KCNK13: variants seen among roughly 807,000 people sequenced by gnomAD.
KCNK13 encodes the protein potassium two pore domain channel subfamily K member 13, also known as potassium channel subfamily K member 13.
KCNK13 carries 12 observed loss-of-function variants against 23.4 expected under a neutral mutation model. The observed-to-expected ratio is 0.51, with a 90% CI of 0.33 to 0.83. The LOEUF is 0.83. Among genes scored for constraint, KCNK13 ranks in the 40% least tolerant of loss-of-function variants. The pLI is 0.02. For missense variants in KCNK13, 463 were observed against 556.3 expected, an observed-to-expected ratio of 0.83 and a Z score of 1.69; for synonymous variants, 231 against 229.5, an observed-to-expected ratio of 1.01 and a Z score of -0.06.
At chr14:90,083,730 G>C (rs11622765) in intron 1 of KCNK13, among the ~76,000 whole-genome samples, 15,705 of 152,234 alleles carry the variant, frequency 0.1, 1,092 homozygotes, top group South Asian at 0.26. Context: ...GGACTTTGAA[G>C]CCTCAAAATT....
chr14:90,077,832 G>A (rs917999219), intron 1 of KCNK13, among the ~76,000 whole-genome samples: 28 of 152,016 alleles, frequency 1.8e-4, no homozygotes, highest in African/African-American at 6.5e-4. Flanking sequence ...TCGCTTGTGG[G>A]GTTGCTTCCC....
At chr14:90,182,483 T>C (rs910182867) in intron 1 of KCNK13, among the ~76,000 whole-genome samples, 3 of 152,258 alleles carry the variant, frequency 2.0e-5, no homozygotes, top group African/African-American at 7.2e-5. Flanking sequence ...AGAGCTCTTG[T>C]GATCCAAACG....
In KCNK13 at chr14:90,157,702, C is replaced by CTTTTTTTTTTTTTT. The variant is rs34114368; in HGVS notation, c.335-26405_335-26392dup. On this transcript the variant is annotated intron_variant, in intron 1 of 1. Transcript: ENST00000282146. ...GGCCACCATACCTGGCTTGGCTTTC[C>CTTTTTTTTTTTTTT]TTTTTTTTTTTTTTTTTCAGACAGA... 1.1e-4 allele frequency among the ~76,000 whole-genome samples: 11 copies of CTTTTTTTTTTTTTT among 100,348 alleles called. 1 individual carries two copies. In the East Asian group the frequency reaches 1.2e-3, roughly 11 times the overall value. 65.8% of individuals were successfully genotyped at this position (100,348 alleles called of 152,430 possible).
chr14:90,074,100 G>A (rs571272369), intron 1 of KCNK13, among the ~76,000 whole-genome samples: 1 of 152,192 alleles, frequency 6.6e-6, no homozygotes, highest in Non-Finnish European at 1.5e-5. Context: ...CTCCCGAGTA[G>A]CTGGGACTAC....
At chr14:90,069,428 A>G (rs1042719935) in intron 1 of KCNK13, among the ~76,000 whole-genome samples, 5 of 152,194 alleles carry the variant, frequency 3.3e-5, no homozygotes, top group Admixed American at 3.3e-4. Context: ...TGTACTCTAC[A>G]AGACCCCCAT....
intron 1 of KCNK13, among the ~76,000 whole-genome samples, chr14:90,066,999 G>A (rs1053582961): frequency 6.6e-6 from 1 of 152,206 alleles, no homozygotes; most frequent in Admixed American, 6.5e-5. Flanking sequence ...GGCCAAGCAC[G>A]GTGGCTCATG....
At chr14:90,107,212 G>C (rs544184256) in intron 1 of KCNK13, among the ~76,000 whole-genome samples, 33 of 152,194 alleles carry the variant, frequency 2.2e-4, no homozygotes, top group Middle Eastern at 3.4e-3. Flanking sequence ...GGGCATGGTG[G>C]CTCATGCCTG....
intron 1 of KCNK13, among the ~76,000 whole-genome samples, chr14:90,151,034 T>C (rs1890129103): frequency 6.6e-6 from 1 of 152,160 alleles, no homozygotes; most frequent in Non-Finnish European, 1.5e-5. Flanking sequence ...GTTCACACTT[T>C]ATGATGTGCC....
At chr14:90,144,834 G>A (rs934169113) in intron 1 of KCNK13, among the ~76,000 whole-genome samples, 1 of 151,994 alleles carries the variant, frequency 6.6e-6, no homozygotes, top group Admixed American at 6.6e-5. Context: ...GCAGAATGTC[G>A]AATAGAAATG....
intron 1 of KCNK13, among the ~76,000 whole-genome samples, chr14:90,076,942 C>T (rs1889142880): frequency 6.6e-6 from 1 of 152,054 alleles, no homozygotes; most frequent in South Asian, 2.1e-4. Context: ...GCCTCAGCCT[C>T]CCGAGTAGCT....
chr14:90,180,219 A>G (rs529038956), intron 1 of KCNK13, among the ~76,000 whole-genome samples: 22 of 152,244 alleles, frequency 1.4e-4, no homozygotes, highest in African/African-American at 5.3e-4. Flanking sequence ...AATAATACCC[A>G]GCTCCCCAGT....
chr14:90,175,006 C>T (rs999868310), intron 1 of KCNK13, among the ~76,000 whole-genome samples: 1 of 152,136 alleles, frequency 6.6e-6, no homozygotes, highest in African/African-American at 2.4e-5. Context: ...GAGTTCAGTC[C>T]TCAGCTCCCC....
chr14:90,062,304 C>A lies in KCNK13; in HGVS notation c.99C>A (p.Gly33=), dbSNP rs1444164658. 3.7e-5 allele frequency: 58 copies of A among 1,552,950 alleles called. No homozygotes were observed. The highest frequency in any genetic ancestry group is 4.9e-5 in the Non-Finnish European group (57 of 1,156,870). The change falls in exon 1 of 2, where the codon GGC becomes GGA. Residue 33 remains glycine, a synonymous_variant. Transcript: ENST00000282146. The surrounding 1 kb of genome is among the most constrained non-coding windows in gnomAD (Gnocchi z 4.5). Reference sequence around the variant, plus strand: ...CGCTCATCGTGCTCTACCTGCTGGGCGGCGCCGCCGTCTTCTCCGCGCTGG... The same window carrying A: ...CGCTCATCGTGCTCTACCTGCTGGGAGGCGCCGCCGTCTTCTCCGCGCTGG... ...LAALIVLYLL[G]GAAVFSALEL...
At chr14:90,128,152 C>T (rs560140803) in intron 1 of KCNK13, among the ~76,000 whole-genome samples, 6 of 152,116 alleles carry the variant, frequency 3.9e-5, no homozygotes, top group Non-Finnish European at 7.3e-5. Context: ...TTGTGTATCT[C>T]GTCTTTAACA....
At chr14:90,092,959 G>A (rs182631880) in intron 1 of KCNK13, among the ~76,000 whole-genome samples, 23 of 146,732 alleles carry the variant, frequency 1.6e-4, no homozygotes, top group Admixed American at 7.5e-4. Context: ...AGAAACAGGC[G>A]AGGGAGACTA....
intron 1 of KCNK13, among the ~76,000 whole-genome samples, chr14:90,112,182 G>T (rs1260905032): frequency 6.6e-6 from 1 of 152,168 alleles, no homozygotes; most frequent in Non-Finnish European, 1.5e-5. Flanking sequence ...GCACCGTCCT[G>T]CGTATCTCTA....
intron 1 of KCNK13, among the ~76,000 whole-genome samples, chr14:90,113,363 G>A (rs560356993): frequency 2.6e-5 from 4 of 152,226 alleles, no homozygotes; most frequent in Admixed American, 6.5e-5. Context: ...AAATTCGGAC[G>A]AAAATATATA....
intron 1 of KCNK13, among the ~76,000 whole-genome samples, chr14:90,120,562 C>T (rs1013967946): frequency 1.6e-4 from 24 of 152,266 alleles, no homozygotes; most frequent in African/African-American, 5.1e-4. Flanking sequence ...AAATGTCAGA[C>T]GCTTATAAAA....
At chr14:90,106,829 C>T (rs1398219640) in intron 1 of KCNK13, among the ~76,000 whole-genome samples, 5 of 151,790 alleles carry the variant, frequency 3.3e-5, no homozygotes, top group African/African-American at 9.7e-5. Context: ...CCAGACCAGC[C>T]TGGCCAACAT....
Sources: allele counts gnomAD v4.1 joint callset (sites outside exome capture counted in the v4.1 genomes callset), GRCh38; gene constraint gnomAD v4.1.1; non-coding constraint Gnocchi (gnomAD v3.1); transcripts MANE v1.5; gene names NCBI Gene and HGNC (gene_info 2026-07-23, HGNC 2026-07-21).